The following MYO10 variants were observed in gnomAD, a reference collection of about 807,000 sequenced individuals.
The protein encoded by MYO10 is myosin X, also known as unconventional myosin-X.
In MYO10, 133 loss-of-function variants were observed where a neutral mutation model predicts 257.3. That is an observed-to-expected ratio of 0.52 (90% CI 0.45 to 0.60). MYO10 has a LOEUF of 0.60. MYO10 is among the 20% of genes least tolerant of loss of function. The probability of loss-of-function intolerance (pLI) is 0.00; values close to 1 mark genes in which losing one functional copy is unlikely to be tolerated. For missense variants in MYO10, 2,399 were observed against 2,635.7 expected, an observed-to-expected ratio of 0.91 and a Z score of 1.97; for synonymous variants, 1,104 against 1,028.6, an observed-to-expected ratio of 1.07 and a Z score of -1.40.
rs70943817 is a variant in MYO10 at position 16,912,802 on chromosome 5, G to GCACACACACACA, written c.21+22974_21+22985dup. Among the ~76,000 whole-genome samples the GCACACACACACA allele has an allele frequency of 6.8e-3, 761 of 111,626 alleles. 14 individuals carry two copies. The highest frequency in any genetic ancestry group is 9.0e-3 in the African/African-American group (254 of 28,184). The allele number at this position is 111,626 out of a possible 152,430, so 73.2% of individuals were successfully genotyped here. Reference sequence around the variant, plus strand: ...CCAGACTTCCTTCACCTACCACCCTGCACACACACACACACACACACACAC... The same window carrying GCACACACACACA: ...CCAGACTTCCTTCACCTACCACCCTGCACACACACACACACACACACACACACACACACACAC... On this transcript the variant is annotated intron_variant, in intron 1 of 40. Transcript: ENST00000513610.
At chr5:16,742,949 C>T (rs1054843638) in intron 19 of MYO10, among the ~76,000 whole-genome samples, 2 of 151,810 alleles carry the variant, frequency 1.3e-5, no homozygotes, top group African/African-American at 4.8e-5. Context: ...GGAGAAACCC[C>T]ATCTCTACTA....
chr5:16,837,499 G>C (rs1464455480), intron 2 of MYO10, among the ~76,000 whole-genome samples: 1 of 152,160 alleles, frequency 6.6e-6, no homozygotes, highest in Admixed American at 6.6e-5. Context: ...GCTGCTAACA[G>C]GTACAAGGTT....
At chr5:16,928,879 C>CAT (rs1746215184) in intron 1 of MYO10, among the ~76,000 whole-genome samples, 1 of 151,206 alleles carries the variant, frequency 6.6e-6, no homozygotes, top group African/African-American at 2.4e-5. Flanking sequence ...CACACACACA[C>CAT]ATTTTTAGAA....
chr5:16,894,322 C>T (rs1745160766), intron 1 of MYO10, among the ~76,000 whole-genome samples: 1 of 152,270 alleles, frequency 6.6e-6, no homozygotes, highest in Non-Finnish European at 1.5e-5. Flanking sequence ...AACATCCCTC[C>T]TCTGTGGGCT....
At chr5:16,668,126 C>A in intron 40 of MYO10, 151 bp downstream of exon 40, 1 of 733,064 alleles carries the variant, frequency 1.4e-6, no homozygotes, top group Non-Finnish European at 2.1e-6. Context: ...AGGGAACCGG[C>A]AGCTGGAAAG....
At chr5:16,930,555 G>A (rs138432132) in intron 1 of MYO10, among the ~76,000 whole-genome samples, 85 of 152,288 alleles carry the variant, frequency 5.6e-4, no homozygotes, top group African/African-American at 1.8e-3. Flanking sequence ...CTCTAAGGTC[G>A]AGATTTCCCT....
intron 19 of MYO10, among the ~76,000 whole-genome samples, chr5:16,722,172 G>A (rs1413584125): frequency 6.6e-6 from 1 of 152,124 alleles, no homozygotes; most frequent in Non-Finnish European, 1.5e-5. Flanking sequence ...CATCCCACAG[G>A]TGCCATCCGT....
intron 3 of MYO10, among the ~76,000 whole-genome samples, chr5:16,810,311 C>G (rs112686506): frequency 0.01 from 1,592 of 152,298 alleles, 17 homozygotes; most frequent in Non-Finnish European, 0.017. Context: ...CATGGAGCCT[C>G]TTCCATCACC....
intron 19 of MYO10, among the ~76,000 whole-genome samples, chr5:16,723,387 CAAAAAAAAA>C (rs1739231778): frequency 1.4e-5 from 2 of 146,956 alleles, no homozygotes; most frequent in South Asian, 2.2e-4. Context: ...GACTCTGTCT[CAAAAAAAAA>C]GAAAAAAAAT....
At chr5:16,886,862 G>A (rs896738710) in intron 1 of MYO10, among the ~76,000 whole-genome samples, 4 of 150,852 alleles carry the variant, frequency 2.7e-5, no homozygotes, top group African/African-American at 7.3e-5. Context: ...AACCAGGGAG[G>A]CAGAGGTTCC....
Position 16,694,511 on chromosome 5 carries a change from G to A in MYO10, c.3660C>T (p.His1220=), listed in dbSNP as rs1737646921. The A allele has an allele frequency of 1.9e-6, 3 of 1,613,842 alleles. No homozygotes were observed. Among genetic ancestry groups the A allele is most frequent in the Non-Finnish European group, 2.5e-6 (3 of 1,179,836 alleles). The stretch of plus-strand genomic sequence containing the variant: ...GCGTGGAGGAGCCCCCCCCTTTTTT[G>A]TGGAGCCAGCCTTGCTTGAGGGCCT... The part of the protein sequence containing the change: ...KQEALKQGWL[H]KKGGGSSTLS... Residue 1220 remains histidine (H), a synonymous_variant, in exon 27 of 41, where the codon CAC becomes CAT. Transcript: ENST00000513610.
At chr5:16,847,526 C>T (rs112979438) in intron 2 of MYO10, among the ~76,000 whole-genome samples, 5,476 of 151,976 alleles carry the variant, frequency 0.036, 318 homozygotes, top group African/African-American at 0.13. Context: ...AGGCCCCAGG[C>T]ACTGGAGATC....
intron 2 of MYO10, among the ~76,000 whole-genome samples, chr5:16,875,581 T>G (rs2625210): frequency 6.6e-6 from 1 of 151,952 alleles, no homozygotes; most frequent in Non-Finnish European, 1.5e-5. Flanking sequence ...CTGAAATCTA[T>G]ATCCACAAAG....
intron 2 of MYO10, among the ~76,000 whole-genome samples, chr5:16,838,847 A>G (rs992466545): frequency 2.0e-5 from 3 of 152,242 alleles, no homozygotes; most frequent in African/African-American, 7.2e-5. Context: ...GAATTATGCT[A>G]AATCTACTCA....
At chr5:16,873,515 C>A (rs1744504994) in intron 2 of MYO10, among the ~76,000 whole-genome samples, 1 of 152,236 alleles carries the variant, frequency 6.6e-6, no homozygotes, top group African/African-American at 2.4e-5. Context: ...CTCACAGCTC[C>A]ACTAGGCGGT....
chr5:16,906,210 A>C, intron 1 of MYO10, among the ~76,000 whole-genome samples: 1 of 152,116 alleles, frequency 6.6e-6, no homozygotes, highest in East Asian at 1.9e-4. Flanking sequence ...TAGGGTCCAG[A>C]ATGGACCCCC....
At chr5:16,692,936 T>C (rs372899960) in intron 27 of MYO10, among the ~76,000 whole-genome samples, 1 of 152,214 alleles carries the variant, frequency 6.6e-6, no homozygotes, top group Non-Finnish European at 1.5e-5. Flanking sequence ...TTCAATACTA[T>C]GCCTCCCTCT....
At chr5:16,883,114 A>G (rs1242037709) in intron 1 of MYO10, among the ~76,000 whole-genome samples, 1 of 151,898 alleles carries the variant, frequency 6.6e-6, no homozygotes, top group African/African-American at 2.4e-5. Context: ...ACGAGGTTTC[A>G]CCGTGTTAGC....
chr5:16,822,250 TTAAAA>T (rs940510178), intron 2 of MYO10, among the ~76,000 whole-genome samples: 54 of 145,110 alleles, frequency 3.7e-4, no homozygotes, highest in African/African-American at 1.3e-3. Context: ...CAAACTAAAC[TTAAAA>T]TAAAAGTTGG....
Sources: allele counts gnomAD v4.1 joint callset (sites outside exome capture counted in the v4.1 genomes callset), GRCh38; gene constraint gnomAD v4.1.1; transcripts MANE v1.5; gene names NCBI Gene and HGNC (gene_info 2026-07-23, HGNC 2026-07-21).